GPR62: variants seen among roughly 807,000 people sequenced by gnomAD.
GPR62 encodes the protein G protein-coupled receptor 62, also known as G-protein coupled receptor GPCR8.
For missense variants in GPR62, 513 were observed against 541.5 expected, an observed-to-expected ratio of 0.95 and a Z score of 0.52; for synonymous variants, 280 against 286.9, an observed-to-expected ratio of 0.98 and a Z score of 0.24.
chr3:51,955,468 G>T lies in GPR62; in HGVS notation c.-185G>T. On this transcript the variant is annotated 5_prime_UTR_variant, in exon 1 of 1. Coordinates refer to ENST00000322241, the MANE Select transcript of GPR62 (RefSeq NM_080865.4). ...AGACTCATCCTTGCACCCCTCCATG[G>T]GCCTGGCCAAGCCCCCAAGAGGATG... is the stretch of plus-strand genomic sequence containing the variant. 1.8e-6 allele frequency: 1 copy of T among 551,248 alleles called. No individual in the cohort carries two copies. Among genetic ancestry groups the T allele is most frequent in the Non-Finnish European group, 3.2e-6 (1 of 312,216 alleles). 34.1% of individuals were successfully genotyped at this position (551,248 alleles called of 1,614,324 possible).
Position 51,955,941 on chromosome 3 carries a change from G to A in GPR62, c.289G>A (p.Ala97Thr), listed in dbSNP as rs1699832559. ...CCGCGCCGCTCGCTTCCTCTCCGCC[G>A]CTCTGCTGCCGGCCTGCACGCTCGG... is the stretch of plus-strand genomic sequence containing the variant. The part of the protein sequence containing the change: ...PCRAARFLSA[A>T]LLPACTLGVA... Residue 97 changes from alanine to threonine, a missense_variant, in exon 1 of 1, where the codon GCT becomes ACT. Transcript: ENST00000322241. 7.2e-7 allele frequency: 1 copy of A among 1,398,086 alleles called. No homozygotes were observed. Among genetic ancestry groups the A allele is most frequent in the South Asian group, 1.4e-5 (1 of 69,828 alleles). The allele number at this position is 1,398,086 out of a possible 1,614,324, so 86.6% of individuals were successfully genotyped here.
At position 51,955,956 on chromosome 3, in the gene GPR62, T is replaced by C; in HGVS notation, c.304T>C (p.Cys102Arg). 1 of 1,420,954 alleles carries C rather than the reference T, an allele frequency of 7.0e-7. No individual in the cohort carries two copies. Among genetic ancestry groups the C allele is most frequent in the Admixed American group, 2.7e-5 (1 of 37,624 alleles). 88.0% of individuals were successfully genotyped at this position (1,420,954 alleles called of 1,614,324 possible). A position where few individuals can be genotyped will look rare whatever the true frequency, so the allele number is the denominator to read the frequency against. ...RFLSAALLPA[C>R]TLGVAALGLA... ...CCTCTCCGCCGCTCTGCTGCCGGCCTGCACGCTCGGGGTGGCCGCACTTGG... is the reference window on the plus strand; with the variant it reads ...CCTCTCCGCCGCTCTGCTGCCGGCCCGCACGCTCGGGGTGGCCGCACTTGG... Residue 102 changes from cysteine to arginine, a missense_variant, in exon 1 of 1, where the codon TGC becomes CGC. Cys to Arg is a radical substitution (Grantham distance 180, BLOSUM62 -3). Coordinates refer to ENST00000322241, the MANE Select transcript of GPR62 (RefSeq NM_080865.4).
Position 51,956,808 on chromosome 3 carries a change from C to T in GPR62, c.*49C>T, listed in dbSNP as rs752191963. On this transcript the variant is annotated 3_prime_UTR_variant, in exon 1 of 1. Coordinates refer to ENST00000322241, the MANE Select transcript of GPR62 (RefSeq NM_080865.4). ...CGTGGGGGCTCATCCAACCCCTGCA[C>T]AGGTCACAGCAGGTGCCCTGCTGGA... 25 of 1,515,376 alleles carry T rather than the reference C, an allele frequency of 1.6e-5. No homozygotes were observed. The highest frequency in any genetic ancestry group is 2.1e-5 in the Non-Finnish European group (24 of 1,133,236). The allele number at this position is 1,515,376 out of a possible 1,614,324, so 93.9% of individuals were successfully genotyped here. A position where few individuals can be genotyped will look rare whatever the true frequency, so the allele number is the denominator to read the frequency against.
chr3:51,955,500 TG>T lies in GPR62; in HGVS notation c.-150del. 1 of 634,160 alleles carries T rather than the reference TG, an allele frequency of 1.6e-6. No individual in the cohort carries two copies. The highest frequency in any genetic ancestry group is 2.6e-6 in the Non-Finnish European group (1 of 379,128). The allele number at this position is 634,160 out of a possible 1,614,324, so 39.3% of individuals were successfully genotyped here. A position where few individuals can be genotyped will look rare whatever the true frequency, so the allele number is the denominator to read the frequency against. On this transcript the variant is annotated 5_prime_UTR_variant, in exon 1 of 1. It removes the in-frame stop codon of an upstream open reading frame in the 5' UTR. Coordinates refer to ENST00000322241, the MANE Select transcript of GPR62 (RefSeq NM_080865.4). ...CCAAGCCCCCAAGAGGATGGCAGCC[TG>T]GGCGTCGGAGCCACCTCCTGGGCAG...
Position 51,956,093 on chromosome 3 carries a change from C to G in GPR62, c.441C>G (p.Ser147=). Residue 147 remains serine, a synonymous_variant, in exon 1 of 1, where the codon TCC becomes TCG. Transcript: ENST00000322241. ...WAAAGLLGAL[S]LLGTPPAPPP... ...CGGCGGGACTGCTGGGCGCGCTCTC[C>G]CTGCTCGGCACGCCGCCCGCACCGC... The G allele has an allele frequency of 7.0e-7, 1 of 1,433,158 alleles. No homozygotes were observed. The allele number at this position is 1,433,158 out of a possible 1,614,324, so 88.8% of individuals were successfully genotyped here. A position where few individuals can be genotyped will look rare whatever the true frequency, so the allele number is the denominator to read the frequency against.
rs1039050092 is a variant in GPR62, at chr3:51,956,089, T to C, written c.437T>C (p.Leu146Pro). 2.1e-6 allele frequency: 3 copies of C among 1,430,994 alleles called. No individual in the cohort carries two copies. Among genetic ancestry groups the C allele is most frequent in the African/African-American group, 1.5e-5 (1 of 66,668 alleles). The allele number at this position is 1,430,994 out of a possible 1,614,324, so 88.6% of individuals were successfully genotyped here. A position where few individuals can be genotyped will look rare whatever the true frequency, so the allele number is the denominator to read the frequency against. ...GCCGCGGCGGGACTGCTGGGCGCGC[T>C]CTCCCTGCTCGGCACGCCGCCCGCA... is the stretch of plus-strand genomic sequence containing the variant. ...VWAAAGLLGALSLLGTPPAPP... is the reference protein window; with the variant it reads ...VWAAAGLLGAPSLLGTPPAPP... Residue 146 changes from leucine to proline, a missense_variant, in exon 1 of 1, where the codon CTC (leucine) becomes CCC (proline). By Grantham distance (98) the Leu-to-Pro change is moderately conservative. Coordinates refer to ENST00000322241, the MANE Select transcript of GPR62 (RefSeq NM_080865.4).
chr3:51,956,008 ACCCGCTGCGGCCAGG>A lies in GPR62; in HGVS notation c.358_372del (p.Pro120_Gly124del). 1 of 1,432,990 alleles carries A rather than the reference ACCCGCTGCGGCCAGG, an allele frequency of 7.0e-7. No homozygotes were observed. Among genetic ancestry groups the A allele is most frequent in the Non-Finnish European group, 9.1e-7 (1 of 1,095,854 alleles). 88.8% of individuals were successfully genotyped at this position (1,432,990 alleles called of 1,614,324 possible). A position where few individuals can be genotyped will look rare whatever the true frequency, so the allele number is the denominator to read the frequency against. On this transcript the variant is annotated inframe_deletion, in exon 1 of 1. Coordinates refer to ENST00000322241, the MANE Select transcript of GPR62 (RefSeq NM_080865.4). ...CTGGCACGCTACCGCCTCATCGTGC[ACCCGCTGCGGCCAGG>A]CTCGCGGCCGCCGCCTGTGCTCGTG...
chr3:51,956,452 G>T lies in GPR62; in HGVS notation c.800G>T (p.Arg267Leu), dbSNP rs753969590. The T allele has an allele frequency of 7.4e-5, 113 of 1,533,384 alleles. No individual in the cohort carries two copies. The highest frequency in any genetic ancestry group is 6.1e-5 in the Non-Finnish European group (70 of 1,146,984). The allele number at this position is 1,533,384 out of a possible 1,614,324, so 95.0% of individuals were successfully genotyped here. The change falls in exon 1 of 1, where the codon CGG becomes CTG. Residue 267 changes from arginine to leucine, a missense_variant. Physicochemically the swap from Arg to Leu is moderately radical, Grantham distance 102. Transcript: ENST00000322241. ...YGCACLAPAA[R>L]AAEAEAAVTW... Reference sequence around the variant, plus strand: ...TGCGCGTGCCTGGCGCCCGCAGCGCGGGCCGCGGAAGCCGAAGCGGCTGTC... The same window carrying T: ...TGCGCGTGCCTGGCGCCCGCAGCGCTGGCCGCGGAAGCCGAAGCGGCTGTC...
rs979751483 is a variant in GPR62, at chr3:51,955,398, G to A, written c.-255G>A. 2 of 387,810 alleles carry A rather than the reference G, an allele frequency of 5.2e-6. No homozygotes were observed. Among genetic ancestry groups the A allele is most frequent in the Non-Finnish European group, 9.2e-6 (2 of 216,308 alleles). The allele number at this position is 387,810 out of a possible 1,614,324, so 24.0% of individuals were successfully genotyped here. On this transcript the variant is annotated 5_prime_UTR_variant, in exon 1 of 1. Coordinates refer to ENST00000322241, the MANE Select transcript of GPR62 (RefSeq NM_080865.4). ...TGACAGCCAGTACCATCTCCGACAG[G>A]GGCTGAGTTGCTGGAGCTGGGCTGG...
In GPR62 at chr3:51,955,770, C is replaced by T. The variant is rs148595616; in HGVS notation, c.118C>T (p.Leu40=). 1.2e-5 allele frequency: 19 copies of T among 1,600,358 alleles called. No individual in the cohort carries two copies. In the African/African-American group the frequency reaches 2.1e-4, roughly 18 times the overall value. The part of the protein sequence containing the change: ...LGNGALLVVV[L]RTPGLRDALY... The stretch of plus-strand genomic sequence containing the variant: ...CAACGGCGCGCTGCTGGTCGTGGTG[C>T]TGCGCACGCCGGGACTGCGCGACGC... Residue 40 remains leucine, a synonymous_variant, in exon 1 of 1, where the codon CTG becomes TTG. Coordinates refer to ENST00000322241, the MANE Select transcript of GPR62 (RefSeq NM_080865.4).
rs764583108 is a variant in GPR62 at position 51,956,564 on chromosome 3, C to T, written c.912C>T (p.Leu304=). ...QRPVRLALGR[L]SRRALPGPVR... ...CCGTGCGCTTGGCACTGGGCCGCCTCTCTCGCCGTGCACTGCCTGGACCTG... is the reference window on the plus strand; with the variant it reads ...CCGTGCGCTTGGCACTGGGCCGCCTTTCTCGCCGTGCACTGCCTGGACCTG... Residue 304 remains leucine (L), a synonymous_variant, in exon 1 of 1, where the codon CTC becomes CTT. Coordinates refer to ENST00000322241, the MANE Select transcript of GPR62 (RefSeq NM_080865.4). 2 of 1,610,892 alleles carry T rather than the reference C, an allele frequency of 1.2e-6. No individual in the cohort carries two copies. The highest frequency in any genetic ancestry group is 1.3e-5 in the African/African-American group (1 of 74,922).
chr3:51,955,692 G>A lies in GPR62; in HGVS notation c.40G>A (p.Gly14Ser), dbSNP rs1332504149. 3 of 1,609,298 alleles carry A rather than the reference G, an allele frequency of 1.9e-6. No homozygotes were observed. Among genetic ancestry groups the A allele is most frequent in the Non-Finnish European group, 1.7e-6 (2 of 1,177,756 alleles). Reference protein sequence around the residue: ...STGLNASEVAGSLGLILAAVV... With the variant: ...STGLNASEVASSLGLILAAVV... ...AGGGCTGAACGCCTCAGAAGTCGCAGGCTCGTTGGGGTTGATCCTGGCAGC... is the reference window on the plus strand; with the variant it reads ...AGGGCTGAACGCCTCAGAAGTCGCAAGCTCGTTGGGGTTGATCCTGGCAGC... Residue 14 changes from glycine to serine, a missense_variant, in exon 1 of 1, where the codon GGC becomes AGC. Transcript: ENST00000322241.
In GPR62 at chr3:51,956,502, G is replaced by A. The variant is rs1434295950; in HGVS notation, c.850G>A (p.Ala284Thr). 3.1e-6 allele frequency: 5 copies of A among 1,592,082 alleles called. No individual in the cohort carries two copies. Among genetic ancestry groups the A allele is most frequent in the Non-Finnish European group, 2.6e-6 (3 of 1,171,814 alleles). Reference protein sequence around the residue: ...AVTWVAYSAFAAHPFLYGLLQ... With the variant: ...AVTWVAYSAFTAHPFLYGLLQ... The stretch of plus-strand genomic sequence containing the variant: ...CACCTGGGTCGCCTACTCGGCCTTC[G>A]CGGCTCACCCCTTCCTGTACGGGCT... Residue 284 changes from alanine (A) to threonine (T), a missense_variant, in exon 1 of 1, where the codon GCG becomes ACG. Coordinates refer to ENST00000322241, the MANE Select transcript of GPR62 (RefSeq NM_080865.4).
rs375952663 is a variant in GPR62, at chr3:51,956,528, G to C, written c.876G>C (p.Leu292=). The C allele has an allele frequency of 3.2e-5, 51 of 1,604,964 alleles. No homozygotes were observed. Among genetic ancestry groups the C allele is most frequent in the Non-Finnish European group, 4.0e-5 (47 of 1,177,154 alleles). ...AFAAHPFLYG[L]LQRPVRLALG... ...CGGCTCACCCCTTCCTGTACGGGCT[G>C]CTGCAGCGCCCCGTGCGCTTGGCAC... Residue 292 remains leucine, a synonymous_variant, in exon 1 of 1, where the codon CTG becomes CTC. Transcript: ENST00000322241.
Position 51,955,385 on chromosome 3 carries a change from C to T in GPR62, c.-268C>T. 1 of 358,784 alleles carries T rather than the reference C, an allele frequency of 2.8e-6. No individual in the cohort carries two copies. Among genetic ancestry groups the T allele is most frequent in the Non-Finnish European group, 5.0e-6 (1 of 198,286 alleles). 22.2% of individuals were successfully genotyped at this position (358,784 alleles called of 1,614,324 possible). ...GGCAACATCAGAGTGACAGCCAGTA[C>T]CATCTCCGACAGGGGCTGAGTTGCT... On this transcript the variant is annotated 5_prime_UTR_variant, in exon 1 of 1. Transcript: ENST00000322241.
chr3:51,956,118 C>A lies in GPR62; in HGVS notation c.466C>A (p.Pro156Thr). ...LSLLGTPPAPPPAPARCSVLA... is the reference protein window; with the variant it reads ...LSLLGTPPAPTPAPARCSVLA... The stretch of plus-strand genomic sequence containing the variant: ...CCTGCTCGGCACGCCGCCCGCACCG[C>A]CCCCTGCTCCTGCTCGCTGCTCGGT... Residue 156 changes from proline to threonine, a missense_variant, in exon 1 of 1, where the codon CCC (proline) becomes ACC (threonine). Transcript: ENST00000322241. The A allele has an allele frequency of 6.9e-7, 1 of 1,450,450 alleles. No homozygotes were observed. The allele number at this position is 1,450,450 out of a possible 1,614,324, so 89.8% of individuals were successfully genotyped here. A position where few individuals can be genotyped will look rare whatever the true frequency, so the allele number is the denominator to read the frequency against.
Position 51,956,336 on chromosome 3 carries a change from G to T in GPR62, c.684G>T (p.Pro228=). The T allele has an allele frequency of 1.9e-6, 3 of 1,556,012 alleles. No individual in the cohort carries two copies. Among genetic ancestry groups the T allele is most frequent in the Non-Finnish European group, 2.6e-6 (3 of 1,160,948 alleles). ...DSLDSRLSIL[P]PLRPRLPGGK... ...TGGATAGCCGCCTTTCCATCTTGCC[G>T]CCGCTCCGGCCTCGCCTGCCCGGGG... The change falls in exon 1 of 1, where the codon CCG becomes CCT. Residue 228 remains proline (P), a synonymous_variant. Coordinates refer to ENST00000322241, the MANE Select transcript of GPR62 (RefSeq NM_080865.4).
At position 51,956,035 on chromosome 3, in the gene GPR62, C is replaced by T; in HGVS notation, c.383C>T (p.Pro128Leu). Residue 128 changes from proline (P) to leucine (L), a missense_variant, in exon 1 of 1, where the codon CCG (proline) becomes CTG (leucine). Physicochemically the swap from Pro to Leu is moderately conservative, Grantham distance 98. Transcript: ENST00000322241. ...CCGCTGCGGCCAGGCTCGCGGCCGCCGCCTGTGCTCGTGCTCACCGCCGTG... is the reference window on the plus strand; with the variant it reads ...CCGCTGCGGCCAGGCTCGCGGCCGCTGCCTGTGCTCGTGCTCACCGCCGTG... ...VHPLRPGSRP[P>L]PVLVLTAVWA... 7.0e-7 allele frequency: 1 copy of T among 1,433,470 alleles called. No homozygotes were observed. Among genetic ancestry groups the T allele is most frequent in the African/African-American group, 1.5e-5 (1 of 66,826 alleles). 88.8% of individuals were successfully genotyped at this position (1,433,470 alleles called of 1,614,324 possible). A position where few individuals can be genotyped will look rare whatever the true frequency, so the allele number is the denominator to read the frequency against.
Position 51,955,910 on chromosome 3 carries a change from G to A in GPR62, c.258G>A (p.Ala86=). 2 of 1,320,410 alleles carry A rather than the reference G, an allele frequency of 1.5e-6. No homozygotes were observed. Among genetic ancestry groups the A allele is most frequent in the Admixed American group, 4.0e-5 (1 of 24,778 alleles). 81.8% of individuals were successfully genotyped at this position (1,320,410 alleles called of 1,614,324 possible). ...TGGGCCGCGTGCGCCTGGGCCCCGC[G>A]CCATGCCGCGCCGCTCGCTTCCTCT... ...PGLGRVRLGP[A]PCRAARFLSA... The change falls in exon 1 of 1, where the codon GCG becomes GCA. Residue 86 remains alanine (A), a synonymous_variant. Transcript: ENST00000322241.
Sources: allele counts gnomAD v4.1 joint callset, GRCh38; gene constraint gnomAD v4.1.1; transcripts MANE v1.5; gene names NCBI Gene and HGNC (gene_info 2026-07-23, HGNC 2026-07-21).